PCDH15: variants seen among roughly 807,000 people sequenced by gnomAD.
PCDH15 encodes protocadherin-15.
Under a neutral mutation model 178.5 loss-of-function variants are expected in PCDH15, and 129 were observed. The observed-to-expected ratio is 0.72, with a 90% CI of 0.63 to 0.84. PCDH15 has a LOEUF of 0.84. Ranked by LOEUF, PCDH15 falls within the 40% of genes least tolerant of loss-of-function variation. The pLI is 0.00. For missense variants in PCDH15, 2,230 were observed against 2,099.9 expected, an observed-to-expected ratio of 1.06 and a Z score of -1.21; for synonymous variants, 800 against 732.0, an observed-to-expected ratio of 1.09 and a Z score of -1.50.
chr10:54,006,053 G>A (rs527498104), intron 20 of PCDH15, among the ~76,000 whole-genome samples: 2 of 152,098 alleles, frequency 1.3e-5, no homozygotes, highest in Non-Finnish European at 2.9e-5. Context: ...GGCACTTTCT[G>A]GTGTCTCCCA....
intron 2 of PCDH15, among the ~76,000 whole-genome samples, chr10:55,464,245 C>T (rs1839780380): frequency 6.6e-6 from 1 of 151,984 alleles, no homozygotes; most frequent in South Asian, 2.1e-4. Flanking sequence ...ATCAGAACAT[C>T]AGAACAATGA....
At chr10:54,421,431 T>A (rs1404742325) in intron 3 of PCDH15, among the ~76,000 whole-genome samples, 1 of 150,348 alleles carries the variant, frequency 6.7e-6, no homozygotes, top group African/African-American at 2.4e-5. Flanking sequence ...ACCATTAGTG[T>A]ACATTAGTGA....
chr10:55,297,534 T>G (rs1216926642), intron 1 of PCDH15, among the ~76,000 whole-genome samples: 1 of 152,110 alleles, frequency 6.6e-6, no homozygotes, highest in Non-Finnish European at 1.5e-5. Context: ...AATTATAAAT[T>G]TTTAGAAAAA....
intron 25 of PCDH15, among the ~76,000 whole-genome samples, chr10:53,931,578 A>T (rs1484194865): frequency 6.6e-6 from 1 of 152,000 alleles, no homozygotes; most frequent in Non-Finnish European, 1.5e-5. Flanking sequence ...TCTCACTGAA[A>T]CAATATTCTT....
intron 2 of PCDH15, among the ~76,000 whole-genome samples, chr10:54,615,575 G>T (rs1489468608): frequency 6.6e-6 from 1 of 151,956 alleles, no homozygotes; most frequent in East Asian, 1.9e-4. Flanking sequence ...GAACATCACA[G>T]TTACCTTGGT....
intron 33 of PCDH15, chr10:53,818,377 A>C (rs553701444): frequency 6.1e-6 from 1 of 163,736 alleles, no homozygotes; most frequent in African/African-American, 2.4e-5. Flanking sequence ...TGATATATAT[A>C]CTAATCCTTA....
In PCDH15 at chr10:54,896,308, C is replaced by G. The variant is rs536478136; in HGVS notation, c.-29+1142G>C. 7.2e-5 allele frequency among the ~76,000 whole-genome samples: 11 copies of G among 152,266 alleles called. No homozygotes were observed. In the East Asian group the frequency reaches 2.1e-3, roughly 29 times the overall value. On this transcript the variant is annotated intron_variant, in intron 3 of 5. Transcript: ENST00000458638. ...ATTGAAAGTATAATCATAAAGCATT[C>G]ACATCTAATTTTGCCTCCTTCAAAA...
chr10:55,001,886 G>C (rs1289388503), intron 2 of PCDH15, among the ~76,000 whole-genome samples: 2 of 152,152 alleles, frequency 1.3e-5, no homozygotes, highest in Non-Finnish European at 2.9e-5. Flanking sequence ...CTAAATTACT[G>C]TACTTGTATT....
chr10:54,284,354 C>T (rs148717443), intron 8 of PCDH15, among the ~76,000 whole-genome samples: 1 of 152,136 alleles, frequency 6.6e-6, no homozygotes, highest in Admixed American at 6.5e-5. Context: ...ATAGCAAAGT[C>T]TAGTTCTTCA....
At chr10:54,699,593 C>T (rs528963085) in intron 1 of PCDH15, among the ~76,000 whole-genome samples, 1 of 152,096 alleles carries the variant, frequency 6.6e-6, no homozygotes, top group East Asian at 1.9e-4. Context: ...TTAAGTGTGG[C>T]CAACAGCAAA....
At chr10:54,354,742 TA>T (rs139186969) in intron 5 of PCDH15, among the ~76,000 whole-genome samples, 5,498 of 152,088 alleles carry the variant, frequency 0.036, 318 homozygotes, top group African/African-American at 0.12. Context: ...ACAAAATATG[TA>T]AAAAAGGATA....
chr10:54,498,117 A>G (rs147502275), intron 3 of PCDH15, among the ~76,000 whole-genome samples: 413 of 152,282 alleles, frequency 2.7e-3, no homozygotes, highest in African/African-American at 9.7e-3. Flanking sequence ...TTTCAGCAGA[A>G]ACTTTACAGG....
At chr10:55,409,815 G>A (rs12267328) in intron 2 of PCDH15, among the ~76,000 whole-genome samples, 32,972 of 151,914 alleles carry the variant, frequency 0.22, 3,799 homozygotes, top group African/African-American at 0.29. Context: ...CCTTGAGAAA[G>A]CAAAGAATGA....
intron 2 of PCDH15, among the ~76,000 whole-genome samples, chr10:54,956,320 C>T (rs1838485296): frequency 6.6e-6 from 1 of 151,406 alleles, no homozygotes. Flanking sequence ...TGAGAATATA[C>T]TACATGGTAA....
intron 3 of PCDH15, among the ~76,000 whole-genome samples, chr10:54,519,483 T>C (rs1292727380): frequency 6.6e-6 from 1 of 152,040 alleles, no homozygotes; most frequent in Non-Finnish European, 1.5e-5. Context: ...GAGAATAAAA[T>C]ACCTAGAAAT....
At chr10:54,998,936 A>T (rs189083394) in intron 2 of PCDH15, among the ~76,000 whole-genome samples, 2 of 152,318 alleles carry the variant, frequency 1.3e-5, no homozygotes, top group Admixed American at 1.3e-4. Context: ...CCTCCGATGT[A>T]AACTGAGTAA....
intron 2 of PCDH15, among the ~76,000 whole-genome samples, chr10:55,339,585 TA>T (rs1844494245): frequency 6.6e-6 from 1 of 152,126 alleles, no homozygotes; most frequent in East Asian, 1.9e-4. Context: ...AAGAGTTTTA[TA>T]AATAGTTTCA....
chr10:54,853,326 C>T (rs199928243), intron 3 of PCDH15, among the ~76,000 whole-genome samples: 22,727 of 121,158 alleles, frequency 0.19, 2,260 homozygotes, highest in East Asian at 0.35. Context: ...TATACATACA[C>T]ACACATATAC....
chr10:55,050,591 C>T (rs145918535), intron 2 of PCDH15, among the ~76,000 whole-genome samples: 1 of 152,112 alleles, frequency 6.6e-6, no homozygotes, highest in Non-Finnish European at 1.5e-5. Context: ...GAAAGCAAAA[C>T]GCTGTCCTAT....
Sources: allele counts gnomAD v4.1 joint callset (sites outside exome capture counted in the v4.1 genomes callset), GRCh38; gene constraint gnomAD v4.1.1; transcripts MANE v1.5; gene names NCBI Gene and HGNC (gene_info 2026-07-23, HGNC 2026-07-21).